ADAMTS19: variants seen among roughly 807,000 people sequenced by gnomAD.
ADAMTS19 encodes the protein A disintegrin and metalloproteinase with thrombospondin motifs 19.
In ADAMTS19, 93 loss-of-function variants were observed where a neutral mutation model predicts 153.3. That is an observed-to-expected ratio of 0.61 (90% CI 0.51 to 0.72). The LOEUF is 0.72. ADAMTS19 is among the 30% of genes least tolerant of loss of function. The probability of loss-of-function intolerance (pLI) is 0.00; values close to 1 mark genes in which losing one functional copy is unlikely to be tolerated. For synonymous variants in ADAMTS19, 600 were observed against 556.6 expected, an observed-to-expected ratio of 1.08 and a Z score of -1.10; for missense variants, 1,482 against 1,552.1, an observed-to-expected ratio of 0.95 and a Z score of 0.76.
intron 10 of ADAMTS19, among the ~76,000 whole-genome samples, chr5:129,638,603 A>G (rs894612959): frequency 1.3e-5 from 2 of 149,634 alleles, no homozygotes; most frequent in East Asian, 4.0e-4. Context: ...ACACACACAC[A>G]AGCTATTCTA....
In ADAMTS19 at chr5:129,596,623, C is replaced by T. The variant is rs977424662; in HGVS notation, c.1437C>T (p.Gly479=). The part of the protein sequence containing the change: ...KRKCIIAEDN[G]LNLAFTIAHE... ...AATGTATTATTGCTGAAGACAATGG[C>T]TTGAATCTTGCTTTTACAATTGCTC... Residue 479 remains glycine (G), a synonymous_variant, in exon 8 of 23, where the codon GGC becomes GGT. Transcript: ENST00000274487. 24 of 1,607,354 alleles carry T rather than the reference C, an allele frequency of 1.5e-5. No homozygotes were observed. The highest frequency in any genetic ancestry group is 2.0e-5 in the Non-Finnish European group (24 of 1,177,090).
At chr5:129,626,667 CA>C (rs1200662878) in intron 10 of ADAMTS19, among the ~76,000 whole-genome samples, 1 of 152,078 alleles carries the variant, frequency 6.6e-6, no homozygotes, top group African/African-American at 2.4e-5. Flanking sequence ...AGATAATTTA[CA>C]TATTTAGTCA....
chr5:129,642,533 G>T (rs1295511941), intron 11 of ADAMTS19, among the ~76,000 whole-genome samples: 2 of 152,028 alleles, frequency 1.3e-5, no homozygotes, highest in East Asian at 3.9e-4. Flanking sequence ...TTTCCTTTGA[G>T]GAATATGAAG....
intron 6 of ADAMTS19, among the ~76,000 whole-genome samples, chr5:129,549,352 T>C (rs935841394): frequency 6.6e-6 from 1 of 151,564 alleles, no homozygotes; most frequent in Non-Finnish European, 1.5e-5. Context: ...TATAAGAGAC[T>C]CAGAGAAAAT....
intron 7 of ADAMTS19, among the ~76,000 whole-genome samples, chr5:129,588,986 G>A (rs1000126172): frequency 6.6e-6 from 1 of 150,662 alleles, no homozygotes; most frequent in Non-Finnish European, 1.5e-5. Flanking sequence ...CTATTATTTT[G>A]CTAGTTATTA....
intron 10 of ADAMTS19, among the ~76,000 whole-genome samples, chr5:129,632,364 T>C (rs4467728): frequency 1.3e-5 from 2 of 151,766 alleles, no homozygotes; most frequent in Non-Finnish European, 2.9e-5. Flanking sequence ...TATATAGATA[T>C]AGATATAATA....
At chr5:129,690,309 A>G (rs1238771134) in intron 18 of ADAMTS19, among the ~76,000 whole-genome samples, 1 of 152,222 alleles carries the variant, frequency 6.6e-6, no homozygotes, top group Non-Finnish European at 1.5e-5. Context: ...TGGAAGTGAA[A>G]ATGTTATTAC....
At chr5:129,500,553 G>C (rs1222956446) in intron 2 of ADAMTS19, 1 of 152,022 alleles carries the variant, frequency 6.6e-6, no homozygotes, top group African/African-American at 2.4e-5. Context: ...TAGTCTTTGG[G>C]TATCTGTTGG....
At chr5:129,474,776 A>T (rs1750171293) in intron 2 of ADAMTS19, among the ~76,000 whole-genome samples, 1 of 152,126 alleles carries the variant, frequency 6.6e-6, no homozygotes, top group Admixed American at 6.5e-5. Context: ...CTTTTGGATT[A>T]CATTTGTGGA....
chr5:129,706,032 G>A (rs1336978995), intron 21 of ADAMTS19, among the ~76,000 whole-genome samples: 2 of 152,152 alleles, frequency 1.3e-5, no homozygotes, highest in African/African-American at 2.4e-5. Flanking sequence ...TAGTGTATAT[G>A]TATAGCAACT....
intron 10 of ADAMTS19, among the ~76,000 whole-genome samples, chr5:129,637,555 C>A (rs1364796297): frequency 3.3e-5 from 5 of 151,982 alleles, no homozygotes; most frequent in South Asian, 2.1e-4. Flanking sequence ...GAACAAAAAA[C>A]CAAATAATGC....
intron 7 of ADAMTS19, among the ~76,000 whole-genome samples, chr5:129,588,720 C>T (rs1030265447): frequency 2.0e-5 from 3 of 151,628 alleles, no homozygotes; most frequent in African/African-American, 7.2e-5. Context: ...TGTGAGCCAG[C>T]TCTTTGGGGG....
intron 7 of ADAMTS19, among the ~76,000 whole-genome samples, chr5:129,564,640 A>G (rs1753641664): frequency 1.3e-5 from 2 of 152,216 alleles, no homozygotes; most frequent in Non-Finnish European, 2.9e-5. Context: ...AATCATTCCA[A>G]TTTCTCCATA....
intron 15 of ADAMTS19, among the ~76,000 whole-genome samples, chr5:129,662,180 T>C (rs555374002): frequency 6.6e-6 from 1 of 152,374 alleles, no homozygotes; most frequent in South Asian, 2.1e-4. Context: ...CGTTTGTTAC[T>C]TCGCTGTTGC....
At chr5:129,479,550 A>G (rs1330890891) in intron 2 of ADAMTS19, among the ~76,000 whole-genome samples, 1 of 152,212 alleles carries the variant, frequency 6.6e-6, no homozygotes, top group East Asian at 1.9e-4. Context: ...TTTTATTCAC[A>G]GAAAACATGA....
Position 129,715,593 on chromosome 5 carries a change from G to T in ADAMTS19, c.3312+11202G>T, listed in dbSNP as rs576595797. The stretch of plus-strand genomic sequence containing the variant: ...TGAGATTAAAATGAAAAGAACTTGG[G>T]TTGATTATCTGTAGTGGGAGGTAAG... On this transcript the variant is annotated intron_variant, in intron 21 of 22. Transcript: ENST00000274487. 3.3e-4 allele frequency among the ~76,000 whole-genome samples: 51 copies of T among 152,284 alleles called. No individual in the cohort carries two copies. The South Asian group carries it at 8.3e-3, about 25-fold the overall frequency.
At chr5:129,735,598 CTTTTT>C (rs1056245725) in intron 22 of ADAMTS19, among the ~76,000 whole-genome samples, 13 of 151,904 alleles carry the variant, frequency 8.6e-5, no homozygotes, top group African/African-American at 3.1e-4. Flanking sequence ...GTTCTATTTT[CTTTTT>C]AAGTTTTGAG....
chr5:129,581,683 A>C (rs961674917), intron 7 of ADAMTS19, among the ~76,000 whole-genome samples: 1 of 151,662 alleles, frequency 6.6e-6, no homozygotes, highest in Non-Finnish European at 1.5e-5. Context: ...TACTTCTTTT[A>C]ATTGTGATGT....
At chr5:129,714,497 T>C (rs1756634718) in intron 21 of ADAMTS19, among the ~76,000 whole-genome samples, 1 of 150,990 alleles carries the variant, frequency 6.6e-6, no homozygotes, top group African/African-American at 2.4e-5. Context: ...CATAAGTATA[T>C]AGAGCGTAAT....
Sources: gnomAD v4.1 joint callset for allele counts (sites outside exome capture counted in the v4.1 genomes callset) on GRCh38, gnomAD v4.1.1 for gene constraint, MANE v1.5 for transcripts, NCBI Gene and HGNC (gene_info 2026-07-23, HGNC 2026-07-21) for gene names.